OGG1: variants seen among roughly 807,000 people sequenced by gnomAD.
The protein encoded by OGG1 is 8-oxoguanine DNA glycosylase.
In OGG1, 35 loss-of-function variants were observed where a neutral mutation model predicts 42.3. The observed-to-expected ratio is 0.83, with a 90% CI of 0.63 to 1.10. OGG1 has a LOEUF of 1.10. Ranked by LOEUF, OGG1 falls within the 50% of genes least tolerant of loss-of-function variation. The probability of loss-of-function intolerance (pLI) is 0.00; values close to 1 mark genes in which losing one functional copy is unlikely to be tolerated. For synonymous variants in OGG1, 189 were observed against 179.0 expected (o/e 1.06, Z -0.44); for missense variants, 484 against 446.7 (o/e 1.08, Z -0.75).
downstream of OGG1, among the ~76,000 whole-genome samples, chr3:9,790,739 A>AG: frequency 6.6e-6 from 1 of 152,334 alleles, no homozygotes; most frequent in South Asian, 2.1e-4. Flanking sequence ...AAAAGCACTA[A>AG]GGTAGGTCCT....
intron 3 of OGG1, chr3:9,752,157 A>T: frequency 1.7e-6 from 1 of 603,412 alleles, no homozygotes; most frequent in East Asian, 2.8e-5. Context: ...CTTTTTGCCC[A>T]ATGGGTTCAA....
At chr3:9,781,152 A>C (rs988134137) in intron 2 of OGG1, among the ~76,000 whole-genome samples, 1 of 152,042 alleles carries the variant, frequency 6.6e-6, no homozygotes, top group Non-Finnish European at 1.5e-5. Context: ...GGTCTTAAAA[A>C]TATACACAGT....
Position 9,751,798 on chromosome 3 carries a change from C to T in OGG1, c.414C>T (p.Ile138=), listed in dbSNP as rs745763093. 5 of 1,614,094 alleles carry T rather than the reference C, an allele frequency of 3.1e-6. No individual in the cohort carries two copies. Among genetic ancestry groups the T allele is most frequent in the African/African-American group, 2.7e-5 (2 of 74,918 alleles). ...TGCGACTGCTGCGACAAGACCCCAT[C>T]GAATGCCTTTTCTCTTTTATCTGTT... ...QGVRLLRQDP[I]ECLFSFICSS... is the part of the protein sequence containing the mutation. Residue 138 remains isoleucine, a synonymous_variant, in exon 3 of 7, where the codon ATC becomes ATT. Transcript: ENST00000344629.
intron 2 of OGG1, among the ~76,000 whole-genome samples, chr3:9,775,414 C>T (rs374911711): frequency 1.4e-4 from 21 of 152,148 alleles, no homozygotes; most frequent in Non-Finnish European, 2.8e-4. Context: ...TTTTGGAGGA[C>T]ATCTACCAGT....
At chr3:9,756,410 A>G in intron 4 of OGG1, 61 bp from the exon 5 acceptor site, 1 of 1,589,762 alleles carries the variant, frequency 6.3e-7, no homozygotes, top group Non-Finnish European at 8.6e-7. Flanking sequence ...TGGGGCTATA[A>G]GCAAGATGCT....
chr3:9,783,964 G>A, intron 3 of OGG1: 5 of 1,534,110 alleles, frequency 3.3e-6, no homozygotes, highest in Non-Finnish European at 4.4e-6. Flanking sequence ...CCCCTGAAAG[G>A]TGACTAGCCG....
downstream of OGG1, chr3:9,758,008 T>C (rs2077667281): frequency 2.6e-6 from 3 of 1,157,258 alleles, no homozygotes; most frequent in African/African-American, 3.1e-5. Context: ...TACAAGGCTT[T>C]ATTATATATT....
At chr3:9,760,547 T>A (rs976308150), downstream of OGG1, 2 of 1,085,944 alleles carry the variant, frequency 1.8e-6, no homozygotes, top group African/African-American at 3.1e-5. Context: ...GCTCTTTGTG[T>A]GGTGCTGGAA....
chr3:9,783,972 C>T, intron 3 of OGG1: 1 of 1,555,906 alleles, frequency 6.4e-7, no homozygotes, highest in Non-Finnish European at 8.7e-7. Flanking sequence ...AGGTGACTAG[C>T]CGTGGCCACA....
intron 3 of OGG1, among the ~76,000 whole-genome samples, chr3:9,754,178 A>G (rs1408511954): frequency 6.6e-6 from 1 of 152,208 alleles, no homozygotes; most frequent in African/African-American, 2.4e-5. Flanking sequence ...TCCCAGACCT[A>G]GGTGCAAGAT....
downstream of OGG1, among the ~76,000 whole-genome samples, chr3:9,788,543 C>CT (rs879587825): frequency 8.7e-4 from 117 of 133,786 alleles, no homozygotes; most frequent in South Asian, 5.5e-3. Flanking sequence ...CCGCACCCGG[C>CT]TTTTTTTTTT....
At chr3:9,781,058 A>G (rs1422628069) in intron 2 of OGG1, among the ~76,000 whole-genome samples, 1 of 152,090 alleles carries the variant, frequency 6.6e-6, no homozygotes, top group Non-Finnish European at 1.5e-5. Flanking sequence ...TGAGGCCAGG[A>G]GTTCAAGGTT....
chr3:9,763,535 A>G (rs537421436), intron 7 of OGG1, among the ~76,000 whole-genome samples: 1 of 152,232 alleles, frequency 6.6e-6, no homozygotes, highest in East Asian at 1.9e-4. Flanking sequence ...CTAGCTTACC[A>G]TGGTTTATTA....
chr3:9,753,197 A>G (rs1202470116), intron 3 of OGG1, among the ~76,000 whole-genome samples: 2 of 151,882 alleles, frequency 1.3e-5, no homozygotes, highest in African/African-American at 4.8e-5. Context: ...GCTAAAAATT[A>G]GCTGGGCGTG....
At chr3:9,765,658 G>A in intron 7 of OGG1, 1 of 1,373,886 alleles carries the variant, frequency 7.3e-7, no homozygotes, top group Non-Finnish European at 1.0e-6. Flanking sequence ...GCAATTTAAG[G>A]CTTAGAGAGT....
chr3:9,781,531 A>G (rs549822314), exon 3 of OGG1: 23 of 456,580 alleles, frequency 5.0e-5, no homozygotes, highest in African/African-American at 4.2e-4. Flanking sequence ...GTGCCAGCAG[A>G]AGGCCTGCTT....
chr3:9,771,097 G>A (rs965445794), downstream of OGG1, among the ~76,000 whole-genome samples: 2 of 150,100 alleles, frequency 1.3e-5, no homozygotes, highest in African/African-American at 2.5e-5. Context: ...GCATGATCAC[G>A]GCCCACTGCA....
chr3:9,780,378 G>A (rs151016881), intron 2 of OGG1: 4 of 1,613,090 alleles, frequency 2.5e-6, no homozygotes, highest in Non-Finnish European at 3.4e-6. Context: ...GCAGCTTCAG[G>A]ATGCTCTCAC....
chr3:9,768,244 C>G (rs1410396493), downstream of OGG1, among the ~76,000 whole-genome samples: 1 of 152,186 alleles, frequency 6.6e-6, no homozygotes, highest in Non-Finnish European at 1.5e-5. Context: ...TCTCCGAAAT[C>G]AGGTTTCCAG....
Sources: gnomAD v4.1 joint callset for allele counts (sites outside exome capture counted in the v4.1 genomes callset) on GRCh38, gnomAD v4.1.1 for gene constraint, MANE v1.5 for transcripts, NCBI Gene and HGNC (gene_info 2026-07-23, HGNC 2026-07-21) for gene names.